PALM2AKAP2: variants seen among roughly 807,000 people sequenced by gnomAD.
The protein encoded by PALM2AKAP2 is PALM2-AKAP2 fusion protein.
Under a neutral mutation model 71.5 loss-of-function variants are expected in PALM2AKAP2, and 37 were observed. The observed-to-expected ratio is 0.52, with a 90% CI of 0.40 to 0.68. The LOEUF is 0.68. Ranked by LOEUF, PALM2AKAP2 falls within the 30% of genes least tolerant of loss-of-function variation. The pLI is 0.00. For synonymous variants in PALM2AKAP2, 468 were observed against 478.8 expected (o/e 0.98, Z 0.29); for missense variants, 1,224 against 1,191.8 (o/e 1.03, Z -0.40).
intron 7 of PALM2AKAP2, among the ~76,000 whole-genome samples, chr9:110,018,751 C>T (rs1833024144): frequency 6.6e-6 from 1 of 152,232 alleles, no homozygotes; most frequent in South Asian, 2.1e-4. Flanking sequence ...GATATAACTA[C>T]AGAAAATGCT....
intron 1 of PALM2AKAP2, among the ~76,000 whole-genome samples, chr9:110,123,520 T>G (rs908353272): frequency 6.6e-6 from 1 of 152,084 alleles, no homozygotes; most frequent in African/African-American, 2.4e-5. Flanking sequence ...CATTCTGAGG[T>G]CCTTGGTGTT....
intron 3 of PALM2AKAP2, among the ~76,000 whole-genome samples, chr9:109,911,481 T>C (rs1470709877): frequency 6.6e-6 from 1 of 152,204 alleles, no homozygotes; most frequent in African/African-American, 2.4e-5. Flanking sequence ...GAAATTTTCA[T>C]TTATTTGTAT....
At chr9:109,810,356 G>C (rs1827696023) in intron 1 of PALM2AKAP2, among the ~76,000 whole-genome samples, 1 of 152,170 alleles carries the variant, frequency 6.6e-6, no homozygotes, top group African/African-American at 2.4e-5. Flanking sequence ...AAAATAAGAA[G>C]GGCTGGCCAG....
At chr9:109,762,789 G>A (rs1409027644) in intron 1 of PALM2AKAP2, among the ~76,000 whole-genome samples, 1 of 152,218 alleles carries the variant, frequency 6.6e-6, no homozygotes, top group Non-Finnish European at 1.5e-5. Context: ...ATAGACAAGT[G>A]ACTTTTTGCC....
At chr9:110,160,217 C>T (rs564606722) in intron 3 of PALM2AKAP2, among the ~76,000 whole-genome samples, 1 of 152,340 alleles carries the variant, frequency 6.6e-6, no homozygotes, top group African/African-American at 2.4e-5. Flanking sequence ...GAGTAGGGGA[C>T]TGGGCTTTAG....
At position 110,125,467 on chromosome 9, in the gene PALM2AKAP2, G is replaced by A. The variant is rs897730118; in HGVS notation, c.157-10660G>A. The A allele has an allele frequency of 4.1e-6, 4 of 980,912 alleles. No individual in the cohort carries two copies. The African/African-American group carries it at 5.2e-5, about 13-fold the overall frequency. 60.8% of individuals were successfully genotyped at this position (980,912 alleles called of 1,614,324 possible). ...TTTAGGGAGCAGAGGGAGGGCCCAC[G>A]GTGACATCACAGTCTTCCGTCAGGA... On this transcript the variant is annotated intron_variant, in intron 1 of 3. Coordinates refer to ENST00000374525, the Ensembl canonical transcript of PALM2AKAP2.
At chr9:109,785,494 T>C (rs1826937071) in intron 1 of PALM2AKAP2, among the ~76,000 whole-genome samples, 1 of 152,160 alleles carries the variant, frequency 6.6e-6, no homozygotes, top group African/African-American at 2.4e-5. Flanking sequence ...GATAAAGACA[T>C]ACCCGAGACT....
intron 1 of PALM2AKAP2, among the ~76,000 whole-genome samples, chr9:109,649,481 T>C (rs1213650778): frequency 6.6e-6 from 1 of 152,248 alleles, no homozygotes; most frequent in Non-Finnish European, 1.5e-5. Flanking sequence ...CTGGCTTGGC[T>C]AGCACATTTT....
rs377672244 is a variant in PALM2AKAP2, at chr9:110,027,247, G to C, written c.582+11208G>C. On this transcript the variant is annotated intron_variant, in intron 7 of 9. Transcript: ENST00000302798. Reference sequence around the variant, plus strand: ...TTGCTGCAAGTCCCAAATCACACCTGCTTGGCTGTGCATCATTTTCTTGAA... The same window carrying C: ...TTGCTGCAAGTCCCAAATCACACCTCCTTGGCTGTGCATCATTTTCTTGAA... 1.6e-3 allele frequency among the ~76,000 whole-genome samples: 243 copies of C among 152,246 alleles called. 5 individuals carry two copies. In the South Asian group the frequency reaches 0.046, roughly 29 times the overall value.
At chr9:109,643,981 G>A (rs1469952289) in intron 1 of PALM2AKAP2, among the ~76,000 whole-genome samples, 3 of 144,566 alleles carry the variant, frequency 2.1e-5, no homozygotes, top group Admixed American at 6.8e-5. Context: ...GTGGGAGCAG[G>A]AGCAAGAGCA....
chr9:109,701,468 A>G (rs112209830), intron 1 of PALM2AKAP2, among the ~76,000 whole-genome samples: 6,798 of 152,322 alleles, frequency 0.045, 195 homozygotes, highest in Non-Finnish European at 0.053. Flanking sequence ...ATCTTTGACA[A>G]ACCTGACAAA....
intron 6 of PALM2AKAP2, among the ~76,000 whole-genome samples, chr9:109,938,746 T>C (rs1184059512): frequency 6.6e-6 from 1 of 152,110 alleles, no homozygotes; most frequent in African/African-American, 2.4e-5. Context: ...AAAGGGACCT[T>C]GGCCGGGTGC....
intron 1 of PALM2AKAP2, chr9:110,125,416 A>T (rs145169838): frequency 2.4e-6 from 2 of 848,474 alleles, no homozygotes; most frequent in Non-Finnish European, 2.8e-6. Context: ...GAAGGAGGTT[A>T]AAGTCCTTCT....
intron 3 of PALM2AKAP2, among the ~76,000 whole-genome samples, chr9:110,164,169 C>G (rs1836671440): frequency 6.6e-6 from 1 of 152,138 alleles, no homozygotes; most frequent in Admixed American, 6.5e-5. Context: ...AGAATTAGGA[C>G]TAAGCCCGTC....
intron 1 of PALM2AKAP2, among the ~76,000 whole-genome samples, chr9:110,106,311 C>A (rs1187635098): frequency 6.6e-6 from 1 of 152,108 alleles, no homozygotes; most frequent in Non-Finnish European, 1.5e-5. Flanking sequence ...ATGCAGGAGA[C>A]AAGAAATCAG....
chr9:109,890,004 C>G (rs904867914), intron 3 of PALM2AKAP2, among the ~76,000 whole-genome samples: 1 of 152,202 alleles, frequency 6.6e-6, no homozygotes, highest in Non-Finnish European at 1.5e-5. Flanking sequence ...CTACAAAAAG[C>G]TTTGATAATA....
intron 2 of PALM2AKAP2, among the ~76,000 whole-genome samples, chr9:110,153,061 A>G (rs1836363289): frequency 6.6e-6 from 1 of 152,234 alleles, no homozygotes; most frequent in South Asian, 2.1e-4. Flanking sequence ...CCCCTGCTCC[A>G]GAACTGCTAA....
intron 1 of PALM2AKAP2, chr9:110,127,756 G>A (rs1835643957): frequency 6.6e-6 from 1 of 152,256 alleles, no homozygotes; most frequent in South Asian, 2.1e-4. Flanking sequence ...TTGGTGCACC[G>A]CGCTTTCTTC....
At chr9:110,171,560 AC>A (rs1269333362) in exon 4 of PALM2AKAP2, 7 of 152,118 alleles carry the variant, frequency 4.6e-5, no homozygotes, top group African/African-American at 1.4e-4. Context: ...CATTCAAGAA[AC>A]CTTGGGCCAC....
Sources: gnomAD v4.1 joint callset for allele counts (sites outside exome capture counted in the v4.1 genomes callset) on GRCh38, gnomAD v4.1.1 for gene constraint, MANE v1.5 for transcripts, NCBI Gene and HGNC (gene_info 2026-07-23, HGNC 2026-07-21) for gene names.